The following HMGA2 variants were observed in gnomAD, a reference collection of about 807,000 sequenced individuals.
The protein encoded by HMGA2 is high mobility group AT-hook 2.
Under a neutral mutation model 19.1 loss-of-function variants are expected in HMGA2, and 8 were observed. The ratio of observed to expected loss-of-function variants is 0.42; its 90% CI spans 0.25 to 0.76. HMGA2 has a LOEUF of 0.76. Among genes scored for constraint, HMGA2 ranks in the 30% least tolerant of loss-of-function variants. The probability of loss-of-function intolerance (pLI) is 0.28; values close to 1 mark genes in which losing one functional copy is unlikely to be tolerated. For synonymous variants in HMGA2, 60 were observed against 48.8 expected, an observed-to-expected ratio of 1.23 and a Z score of -0.96; for missense variants, 109 against 136.3, an observed-to-expected ratio of 0.80 and a Z score of 1.00.
chr12:65,908,362 T>C (rs1272213399), intron 3 of HMGA2, among the ~76,000 whole-genome samples: 2 of 152,212 alleles, frequency 1.3e-5, no homozygotes, highest in African/African-American at 4.8e-5. Context: ...CTCCAGTCTG[T>C]CTGTTCTACT....
intron 3 of HMGA2, among the ~76,000 whole-genome samples, chr12:65,924,469 A>G (rs1875432680): frequency 6.6e-6 from 1 of 152,032 alleles, no homozygotes; most frequent in African/African-American, 2.4e-5. Flanking sequence ...ACACACACAG[A>G]CACACACATC....
intron 3 of HMGA2, among the ~76,000 whole-genome samples, chr12:65,907,516 A>C (rs954606803): frequency 4.6e-5 from 7 of 152,068 alleles, no homozygotes; most frequent in Non-Finnish European, 1.0e-4. Context: ...ATCACTCAAC[A>C]ATCAATTAAC....
At chr12:65,909,067 A>AT (rs1376251369) in intron 3 of HMGA2, among the ~76,000 whole-genome samples, 2 of 152,134 alleles carry the variant, frequency 1.3e-5, no homozygotes, top group African/African-American at 4.8e-5. Context: ...TGTTGATCTA[A>AT]TTTTTTTAAA....
At chr12:65,900,210 C>G (rs1468408335) in intron 3 of HMGA2, among the ~76,000 whole-genome samples, 1 of 152,164 alleles carries the variant, frequency 6.6e-6, no homozygotes, top group Non-Finnish European at 1.5e-5. Context: ...AGCTACATCT[C>G]TATTAGAGAG....
chr12:65,860,626 G>A (rs1003446343), intron 3 of HMGA2, among the ~76,000 whole-genome samples: 11 of 152,096 alleles, frequency 7.2e-5, no homozygotes, highest in African/African-American at 2.7e-4. Flanking sequence ...GTTAAATGAA[G>A]AACAAAAAAT....
chr12:65,880,654 C>T (rs1873325127), intron 3 of HMGA2, among the ~76,000 whole-genome samples: 1 of 152,146 alleles, frequency 6.6e-6, no homozygotes, highest in Admixed American at 6.5e-5. Context: ...GCCTCAGAAT[C>T]AGACAATGTA....
intron 3 of HMGA2, among the ~76,000 whole-genome samples, chr12:65,907,971 T>G (rs533769362): frequency 6.6e-6 from 1 of 152,302 alleles, no homozygotes; most frequent in East Asian, 1.9e-4. Context: ...TGACTCTCTT[T>G]TTACACTTAA....
chr12:65,852,057 T>G (rs539004313), intron 3 of HMGA2, among the ~76,000 whole-genome samples: 1 of 151,914 alleles, frequency 6.6e-6, no homozygotes, highest in East Asian at 2.1e-4. Context: ...GTACAAATAA[T>G]AATTTGTACA....
chr12:65,827,392 C>A (rs538913962), intron 1 of HMGA2, among the ~76,000 whole-genome samples: 27 of 152,208 alleles, frequency 1.8e-4, no homozygotes, highest in African/African-American at 6.5e-4. Flanking sequence ...GCAAAACCTC[C>A]CACCATAGAT....
Position 65,825,153 on chromosome 12 carries a change from C to T in HMGA2, c.-118C>T. ...CAGCAGCCCTCGCAGCCCGCCAGCT[C>T]GCGCTCGCCCCGCCGGCGTCCCCAG... On this transcript the variant is annotated 5_prime_UTR_variant, in exon 1 of 5. Transcript: ENST00000403681. This position sits in a 1 kb window ranked among gnomAD's most constrained non-coding sequence, Gnocchi z 4.4. The T allele has an allele frequency of 1.2e-6, 1 of 819,618 alleles. No homozygotes were observed. The highest frequency in any genetic ancestry group is 1.8e-6 in the Non-Finnish European group (1 of 555,642). 50.8% of individuals were successfully genotyped at this position (819,618 alleles called of 1,614,324 possible).
chr12:65,956,418 T>TTTAA (rs1441209857), intron 4 of HMGA2: 1 of 152,160 alleles, frequency 6.6e-6, no homozygotes, highest in Non-Finnish European at 1.5e-5. Flanking sequence ...GAAACCAAGG[T>TTTAA]TTAACCCTTA....
intron 3 of HMGA2, among the ~76,000 whole-genome samples, chr12:65,901,908 C>G (rs554505763): frequency 1.0e-3 from 157 of 152,282 alleles, no homozygotes; most frequent in African/African-American, 3.4e-3. Flanking sequence ...GAAACACGAT[C>G]TCCACCAACT....
chr12:65,848,367 G>A (rs892685512), intron 3 of HMGA2, among the ~76,000 whole-genome samples: 36 of 152,062 alleles, frequency 2.4e-4, no homozygotes, highest in Admixed American at 6.6e-4. Flanking sequence ...GTACTAACAT[G>A]AGAATAAAGA....
chr12:65,887,486 T>C (rs957536321), intron 3 of HMGA2, among the ~76,000 whole-genome samples: 1 of 152,036 alleles, frequency 6.6e-6, no homozygotes, highest in Non-Finnish European at 1.5e-5. Context: ...TTTGGGAGGC[T>C]GAGGCCGGTG....
chr12:65,895,837 C>T (rs1281298542), intron 3 of HMGA2, among the ~76,000 whole-genome samples: 1 of 152,194 alleles, frequency 6.6e-6, no homozygotes, highest in Non-Finnish European at 1.5e-5. Flanking sequence ...ACAGCTAGTA[C>T]ACTCGATTCA....
chr12:65,868,526 A>G (rs186692747), intron 3 of HMGA2, among the ~76,000 whole-genome samples: 48 of 152,246 alleles, frequency 3.2e-4, no homozygotes, highest in African/African-American at 1.1e-3. Flanking sequence ...AACTGAGGCA[A>G]TGAGTCACCT....
chr12:65,959,017 T>G (rs577691678), intron 4 of HMGA2, among the ~76,000 whole-genome samples: 3 of 152,368 alleles, frequency 2.0e-5, no homozygotes, highest in Admixed American at 6.5e-5. Flanking sequence ...ACCTGCTGTT[T>G]AGTCTGCATC....
intron 3 of HMGA2, among the ~76,000 whole-genome samples, chr12:65,925,778 G>A (rs539142743): frequency 1.3e-5 from 1 of 77,544 alleles, no homozygotes; most frequent in East Asian, 2.7e-4. Flanking sequence ...TGCGGATCTC[G>A]GGCATTTTCA....
intron 3 of HMGA2, among the ~76,000 whole-genome samples, chr12:65,940,729 T>G (rs1379526445): frequency 6.6e-6 from 1 of 152,000 alleles, no homozygotes; most frequent in African/African-American, 2.4e-5. Context: ...CCTGGGTGGG[T>G]GTTATAGTTT....
Sources: gnomAD v4.1 joint callset for allele counts (sites outside exome capture counted in the v4.1 genomes callset) on GRCh38, gnomAD v4.1.1 for gene constraint, Gnocchi (gnomAD v3.1) non-coding constraint, MANE v1.5 for transcripts, NCBI Gene and HGNC (gene_info 2026-07-23, HGNC 2026-07-21) for gene names.